RBFOX1: variants seen among roughly 807,000 people sequenced by gnomAD.
RBFOX1 encodes the protein RNA binding fox-1 homolog 1.
In RBFOX1, 8 loss-of-function variants were observed where a neutral mutation model predicts 57.7. That is an observed-to-expected ratio of 0.14 (90% CI 0.08 to 0.25). RBFOX1 has a LOEUF of 0.25. Ranked by LOEUF, RBFOX1 falls within the 10% of genes least tolerant of loss-of-function variation. The probability of loss-of-function intolerance (pLI) is 1.00; values close to 1 mark genes in which losing one functional copy is unlikely to be tolerated. For synonymous variants in RBFOX1, 326 were observed against 222.4 expected, an observed-to-expected ratio of 1.47 and a Z score of -4.15; for missense variants, 611 against 548.5, an observed-to-expected ratio of 1.11 and a Z score of -1.14.
intron 1 of RBFOX1, among the ~76,000 whole-genome samples, chr16:5,271,577 G>A (rs188537848): frequency 2.6e-5 from 4 of 152,012 alleles, no homozygotes; most frequent in African/African-American, 9.6e-5. Context: ...CTGACTGCGC[G>A]TTAGGTATTG....
chr16:7,245,940 C>G (rs921039786), intron 4 of RBFOX1, among the ~76,000 whole-genome samples: 4 of 152,164 alleles, frequency 2.6e-5, no homozygotes, highest in Non-Finnish European at 5.9e-5. Context: ...AACAGTTCAA[C>G]AAACACAATT....
intron 4 of RBFOX1, among the ~76,000 whole-genome samples, chr16:7,382,117 A>G (rs941392834): frequency 1.3e-5 from 2 of 152,206 alleles, no homozygotes; most frequent in Admixed American, 1.3e-4. Context: ...TGAGAAAACA[A>G]TATATTTGAG....
chr16:6,513,247 G>A (rs750613299), intron 2 of RBFOX1, among the ~76,000 whole-genome samples: 23 of 152,310 alleles, frequency 1.5e-4, no homozygotes, highest in Non-Finnish European at 3.1e-4. Flanking sequence ...TGAATGCTGG[G>A]CACTTAGCAC....
intron 2 of RBFOX1, among the ~76,000 whole-genome samples, chr16:6,611,692 T>C (rs1003028625): frequency 6.6e-6 from 1 of 152,206 alleles, no homozygotes; most frequent in African/African-American, 2.4e-5. Flanking sequence ...CGGCTTACCT[T>C]GTCCGTGGCT....
intron 10 of RBFOX1, among the ~76,000 whole-genome samples, chr16:7,610,511 C>T (rs944689868): frequency 3.3e-5 from 5 of 151,972 alleles, no homozygotes; most frequent in African/African-American, 1.2e-4. Flanking sequence ...TTCCAGCTGC[C>T]ACCACCACCA....
rs778381745 is a variant in RBFOX1, at chr16:7,683,840, C to CA, written c.995+7002_995+7003insA. ...CCCTATGAATGAGCCATTTCTATTG[C>CA]TAAAAAAAAACCTGCATTCTAGAAG... On this transcript the variant is annotated intron_variant, in intron 14 of 15. Transcript: ENST00000550418. Among the ~76,000 whole-genome samples the CA allele has an allele frequency of 9.5e-3, 1,117 of 118,054 alleles. 9 individuals carry two copies. Among genetic ancestry groups the CA allele is most frequent in the Non-Finnish European group, 0.016 (810 of 50,452 alleles). 77.4% of individuals were successfully genotyped at this position (118,054 alleles called of 152,430 possible).
intron 3 of RBFOX1, among the ~76,000 whole-genome samples, chr16:6,701,569 AG>A (rs1162011668): frequency 6.6e-6 from 1 of 152,150 alleles, no homozygotes; most frequent in African/African-American, 2.4e-5. Context: ...TGGAAGGTGA[AG>A]GGGGAGCAGG....
chr16:5,423,430 A>G (rs984630018), intron 1 of RBFOX1, among the ~76,000 whole-genome samples: 2 of 152,178 alleles, frequency 1.3e-5, no homozygotes, highest in African/African-American at 4.8e-5. Flanking sequence ...TCACCACAGA[A>G]TAACTACCAT....
At chr16:7,265,558 C>A (rs8048217) in intron 4 of RBFOX1, among the ~76,000 whole-genome samples, 22,780 of 152,076 alleles carry the variant, frequency 0.15, 2,136 homozygotes, top group African/African-American at 0.24. Flanking sequence ...AAGCGATTCT[C>A]CTGCCTCAGC....
At chr16:6,716,671 C>G (rs1458169545) in intron 3 of RBFOX1, among the ~76,000 whole-genome samples, 1 of 152,204 alleles carries the variant, frequency 6.6e-6, no homozygotes, top group African/African-American at 2.4e-5. Context: ...CAGTCTTGTT[C>G]ATTCAGCATT....
chr16:7,391,908 A>G (rs1244182619), intron 4 of RBFOX1, among the ~76,000 whole-genome samples: 1 of 152,202 alleles, frequency 6.6e-6, no homozygotes, highest in Middle Eastern at 3.2e-3. Flanking sequence ...GGACAAGGAT[A>G]TCAACTTGCG....
intron 4 of RBFOX1, among the ~76,000 whole-genome samples, chr16:7,463,115 G>C (rs941834227): frequency 6.6e-6 from 1 of 152,180 alleles, no homozygotes; most frequent in Non-Finnish European, 1.5e-5. Context: ...TGAATGTCAG[G>C]TAAGGGCCCA....
chr16:5,294,176 C>A (rs576931904), intron 1 of RBFOX1, among the ~76,000 whole-genome samples: 2 of 152,250 alleles, frequency 1.3e-5, no homozygotes, highest in East Asian at 1.9e-4. Context: ...TTGCAGTGAG[C>A]TGAGATCACA....
At chr16:6,420,079 A>T (rs115761219) in intron 2 of RBFOX1, among the ~76,000 whole-genome samples, 53 of 152,292 alleles carry the variant, frequency 3.5e-4, no homozygotes, top group African/African-American at 1.3e-3. Flanking sequence ...TTTGCAGCTA[A>T]CAATGATTTT....
chr16:5,816,482 T>C (rs779621005), intron 3 of RBFOX1, among the ~76,000 whole-genome samples: 2 of 152,126 alleles, frequency 1.3e-5, no homozygotes, highest in Non-Finnish European at 2.9e-5. Flanking sequence ...AACTAGACCT[T>C]GCATCTCCTA....
intron 4 of RBFOX1, among the ~76,000 whole-genome samples, chr16:7,228,872 C>T (rs554514358): frequency 2.0e-5 from 3 of 152,198 alleles, no homozygotes; most frequent in Admixed American, 6.5e-5. Context: ...TTTTACAGAT[C>T]CACAGCTTCA....
intron 4 of RBFOX1, among the ~76,000 whole-genome samples, chr16:5,878,635 C>G (rs949136013): frequency 6.6e-6 from 1 of 152,130 alleles, no homozygotes; most frequent in African/African-American, 2.4e-5. Context: ...ATTCCCGGCA[C>G]TAATGTAGCT....
chr16:7,300,684 A>C (rs1401134162), intron 4 of RBFOX1, among the ~76,000 whole-genome samples: 1 of 152,222 alleles, frequency 6.6e-6, no homozygotes, highest in Non-Finnish European at 1.5e-5. Context: ...TATGAAAATG[A>C]GAAAAGAAAA....
At chr16:6,246,672 A>C (rs754949832) in intron 1 of RBFOX1, among the ~76,000 whole-genome samples, 2 of 152,230 alleles carry the variant, frequency 1.3e-5, no homozygotes, top group Non-Finnish European at 2.9e-5. Flanking sequence ...ACAGTCATCT[A>C]TGGAGGCAAG....
Sources: allele counts gnomAD v4.1 joint callset (sites outside exome capture counted in the v4.1 genomes callset), GRCh38; gene constraint gnomAD v4.1.1; transcripts MANE v1.5; gene names NCBI Gene and HGNC (gene_info 2026-07-23, HGNC 2026-07-21).